Variants in DCT observed in about 807,000 individuals in gnomAD.
DCT encodes L-dopachrome tautomerase.
Under a neutral mutation model 53.0 loss-of-function variants are expected in DCT, and 47 were observed. The ratio of observed to expected loss-of-function variants is 0.89; its 90% confidence interval spans 0.70 to 1.13. The LOEUF is 1.13. Ranked by LOEUF, DCT falls within the 50% of genes most tolerant of loss-of-function variation. The pLI, the probability that DCT is intolerant of heterozygous loss-of-function variation, is 0.00. For synonymous variants in DCT, 244 were observed against 237.0 expected (o/e 1.03, Z -0.27); for missense variants, 669 against 637.4 (o/e 1.05, Z -0.53).
Position 94,438,105 on chromosome 13 carries a change from T to C in DCT, c.*1793A>G, listed in dbSNP as rs1882018252. 1.3e-5 allele frequency: 2 copies of C among 152,318 alleles called. No homozygotes were observed. The highest frequency in any genetic ancestry group is 1.9e-4 in the East Asian group (1 of 5,192). The allele number at this position is 152,318 out of a possible 1,614,324, so 9.4% of individuals were successfully genotyped here. A position where few individuals can be genotyped will look rare whatever the true frequency, so the allele number is the denominator to read the frequency against. On this transcript the variant is annotated 3_prime_UTR_variant, in exon 8 of 8. Transcript: ENST00000377028. ...TTATACATAACTTTTCAGAAATATA[T>C]GTACCATGCACAATTATATCTCCAT...
At chr13:94,525,120 G>C in the DCT span, among the ~76,000 whole-genome samples, 1 of 147,318 alleles carries the variant, frequency 6.8e-6, no homozygotes, top group Admixed American at 6.8e-5. Flanking sequence ...TTTTTTTGGA[G>C]GTGGAGTTTC....
the DCT span, among the ~76,000 whole-genome samples, chr13:94,498,038 T>C: frequency 2.0e-5 from 3 of 152,344 alleles, no homozygotes; most frequent in South Asian, 6.2e-4. Flanking sequence ...GCTGCTGTCC[T>C]CAGGAAGCAA....
the DCT span, among the ~76,000 whole-genome samples, chr13:94,495,994 C>T: frequency 5.3e-5 from 8 of 152,234 alleles, no homozygotes; most frequent in South Asian, 8.3e-4. Context: ...CGCCTCTGAT[C>T]GTTGCCAATT....
chr13:94,476,469 C>CTT lies in DCT; in HGVS notation c.295+2490_295+2491dup, dbSNP rs57154236. Reference sequence around the variant, plus strand: ...AACTTTTTGAAAGTGTTGGCACTTTCTTTTTTTTTTTTTTTTTTTTCTGAG... The same window carrying CTT: ...AACTTTTTGAAAGTGTTGGCACTTTCTTTTTTTTTTTTTTTTTTTTTTCTGAG... On this transcript the variant is annotated intron_variant, in intron 1 of 7. Transcript: ENST00000377028. 2.1e-3 allele frequency among the ~76,000 whole-genome samples: 231 copies of CTT among 111,034 alleles called. 7 individuals carry two copies. The highest frequency in any genetic ancestry group is 6.4e-3 in the African/African-American group (186 of 28,958). The allele number at this position is 111,034 out of a possible 152,430, so 72.8% of individuals were successfully genotyped here. A position where few individuals can be genotyped will look rare whatever the true frequency, so the allele number is the denominator to read the frequency against.
At chr13:94,545,008 AAAGT>A in the DCT span, among the ~76,000 whole-genome samples, 1 of 152,084 alleles carries the variant, frequency 6.6e-6, no homozygotes, top group Non-Finnish European at 1.5e-5. Context: ...TTCCTTCTCT[AAAGT>A]AAGTGGCGAC....
At chr13:94,452,144 T>C (rs1302933738) in intron 6 of DCT, among the ~76,000 whole-genome samples, 2 of 152,048 alleles carry the variant, frequency 1.3e-5, no homozygotes, top group African/African-American at 4.8e-5. Context: ...GTGATTCTCC[T>C]GCCTCAGCCT....
the DCT span, among the ~76,000 whole-genome samples, chr13:94,499,048 C>T: frequency 2.6e-5 from 4 of 152,216 alleles, no homozygotes; most frequent in Admixed American, 6.5e-5. Flanking sequence ...CCCCAGCCAG[C>T]AGTGGCACCC....
chr13:94,532,346 T>C, the DCT span, among the ~76,000 whole-genome samples: 1 of 152,194 alleles, frequency 6.6e-6, no homozygotes, highest in African/African-American at 2.4e-5. Flanking sequence ...CATATGTTTA[T>C]TGTGGCACTA....
chr13:94,527,825 A>G, the DCT span, among the ~76,000 whole-genome samples: 2 of 152,338 alleles, frequency 1.3e-5, no homozygotes, highest in Non-Finnish European at 2.9e-5. Context: ...GAAGGTCGGT[A>G]ATAACAAACT....
At chr13:94,507,790 G>A in the DCT span, among the ~76,000 whole-genome samples, 16 of 152,146 alleles carry the variant, frequency 1.1e-4, no homozygotes, top group African/African-American at 2.9e-4. Context: ...GTGAGCCACC[G>A]CGCCCCGCCG....
At chr13:94,511,846 GTGTGTGT>G in the DCT span, among the ~76,000 whole-genome samples, 1 of 151,258 alleles carries the variant, frequency 6.6e-6, no homozygotes, top group African/African-American at 2.4e-5. Context: ...GTGTGTGTGT[GTGTGTGT>G]GTGTGTGTGT....
intron 6 of DCT, among the ~76,000 whole-genome samples, chr13:94,453,881 A>G (rs552318508): frequency 1.6e-4 from 25 of 152,324 alleles, no homozygotes; most frequent in Admixed American, 6.5e-4. Context: ...TCAGTCTCAG[A>G]TACATCTTTA....
chr13:94,479,465 T>C lies in DCT; in HGVS notation c.-210A>G, dbSNP rs762857166. 17 of 502,584 alleles carry C rather than the reference T, an allele frequency of 3.4e-5. No homozygotes were observed. Among genetic ancestry groups the C allele is most frequent in the African/African-American group, 9.7e-5 (5 of 51,756 alleles). The allele number at this position is 502,584 out of a possible 1,614,324, so 31.1% of individuals were successfully genotyped here. On this transcript the variant is annotated 5_prime_UTR_variant, in exon 1 of 8. Coordinates refer to ENST00000377028, the MANE Select transcript of DCT (RefSeq NM_001922.5). ...ACATGAACGTGCACACACAATTTTA[T>C]GTGATTCAAACAACTAACAGACTTA...
At chr13:94,547,151 C>G in the DCT span, among the ~76,000 whole-genome samples, 1 of 151,438 alleles carries the variant, frequency 6.6e-6, no homozygotes, top group Admixed American at 6.6e-5. Flanking sequence ...CAGTCTCACT[C>G]TGTTGCCCAG....
chr13:94,506,463 A>T, the DCT span, among the ~76,000 whole-genome samples: 81 of 152,362 alleles, frequency 5.3e-4, no homozygotes, highest in African/African-American at 1.8e-3. Context: ...TGTGAACAAG[A>T]ATTTAAATAA....
intron 4 of DCT, among the ~76,000 whole-genome samples, chr13:94,465,192 A>G (rs1019012127): frequency 5.9e-5 from 9 of 152,210 alleles, no homozygotes; most frequent in Non-Finnish European, 1.2e-4. Context: ...ACAATATTCA[A>G]AAGGGAGGTT....
At chr13:94,497,883 T>TGTGG in the DCT span, among the ~76,000 whole-genome samples, 1 of 151,928 alleles carries the variant, frequency 6.6e-6, no homozygotes, top group African/African-American at 2.4e-5. Flanking sequence ...TATATGTGTG[T>TGTGG]GTGTGTGTGT....
chr13:94,501,399 C>T, the DCT span, among the ~76,000 whole-genome samples: 55 of 152,070 alleles, frequency 3.6e-4, no homozygotes, highest in Non-Finnish European at 5.7e-4. Flanking sequence ...ATCAGGCTGT[C>T]GGAAAAATTA....
chr13:94,525,720 C>T, the DCT span, among the ~76,000 whole-genome samples: 4 of 152,170 alleles, frequency 2.6e-5, no homozygotes, highest in Non-Finnish European at 5.9e-5. Context: ...TGCATGGTGG[C>T]TCATGTCTAT....
Sources: allele counts gnomAD v4.1 joint callset (sites outside exome capture counted in the v4.1 genomes callset), GRCh38; gene constraint gnomAD v4.1.1; transcripts MANE v1.5; gene names NCBI Gene and HGNC (gene_info 2026-07-23, HGNC 2026-07-21).